TAFA1: variants seen among roughly 807,000 people sequenced by gnomAD.
TAFA1 encodes the protein chemokine-like protein TAFA-1.
In TAFA1, 4 loss-of-function variants were observed where a neutral mutation model predicts 18.5. That is an observed-to-expected ratio of 0.22 (90% CI 0.11 to 0.49). The LOEUF (loss-of-function observed/expected upper bound fraction) is 0.49. TAFA1 is among the 20% of genes least tolerant of loss of function. TAFA1 has a pLI of 0.98. For missense variants in TAFA1, 147 were observed against 169.0 expected (o/e 0.87, Z 0.72); for synonymous variants, 56 against 55.2 (o/e 1.01, Z -0.06).
At chr3:68,064,587 G>A (rs1016267177) in intron 2 of TAFA1, among the ~76,000 whole-genome samples, 6 of 152,208 alleles carry the variant, frequency 3.9e-5, no homozygotes, top group Non-Finnish European at 8.8e-5. Flanking sequence ...ACATTTGCAC[G>A]GTAATCCGGA....
rs529381776 is a variant in TAFA1, at chr3:68,506,635, T to C, written c.260-32121T>C. Among the ~76,000 whole-genome samples, 7 of 152,230 alleles carry C rather than the reference T, an allele frequency of 4.6e-5. No homozygotes were observed. The East Asian group carries it at 5.8e-4, about 13-fold the overall frequency. ...GTCTGATTGGTCAAAATATTAGTCA[T>C]TGAAGCCTGATAACTCAAGGTGAAA... On this transcript the variant is annotated intron_variant, in intron 3 of 4. Transcript: ENST00000478136.
chr3:68,006,271 CT>C (rs1704354821), intron 1 of TAFA1: 1 of 189,932 alleles, frequency 5.3e-6, no homozygotes, highest in Non-Finnish European at 1.1e-5. Flanking sequence ...GAGTCTGCAG[CT>C]TTTCAGTGCC....
At chr3:68,044,321 T>C (rs1705225234) in intron 2 of TAFA1, among the ~76,000 whole-genome samples, 1 of 152,246 alleles carries the variant, frequency 6.6e-6, no homozygotes, top group Non-Finnish European at 1.5e-5. Context: ...TTTTATGGTT[T>C]GTCACTGAAA....
intron 3 of TAFA1, among the ~76,000 whole-genome samples, chr3:68,506,255 A>C (rs888850630): frequency 2.6e-5 from 4 of 152,108 alleles, no homozygotes; most frequent in Non-Finnish European, 4.4e-5. Context: ...TCCATGGTGT[A>C]TATATGCCAC....
intron 2 of TAFA1, among the ~76,000 whole-genome samples, chr3:68,107,890 C>A (rs1165339689): frequency 6.6e-6 from 1 of 152,060 alleles, no homozygotes; most frequent in Admixed American, 6.6e-5. Flanking sequence ...TTTACAGAGG[C>A]CCTTGGATGG....
chr3:68,529,219 G>A (rs1397924233), intron 3 of TAFA1, among the ~76,000 whole-genome samples: 6 of 151,808 alleles, frequency 4.0e-5, no homozygotes, highest in African/African-American at 1.5e-4. Context: ...GTGTTCCTCT[G>A]TTATTCCTAA....
chr3:68,529,539 A>G (rs186605632), intron 3 of TAFA1, among the ~76,000 whole-genome samples: 11 of 151,686 alleles, frequency 7.3e-5, no homozygotes, highest in African/African-American at 2.7e-4. Context: ...TTGTGTTACT[A>G]TAAAAGAATA....
chr3:68,544,472 T>G lies in TAFA1; in HGVS notation c.385-14T>G, dbSNP rs756403530. The G allele has an allele frequency of 3.8e-5, 61 of 1,612,220 alleles. No individual in the cohort carries two copies. Among genetic ancestry groups the G allele is most frequent in the Admixed American group, 3.7e-4 (22 of 59,842 alleles). ...ACTGTTCTCCCTGAAATGTCTGTCT[T>G]TCTTTGGTTTCAGATTCACCCAAGA... On this transcript the variant is annotated splice_polypyrimidine_tract_variant and intron_variant, in intron 4 of 4. Transcript: ENST00000478136.
At chr3:68,410,705 CAAAAA>C (rs34714719) in intron 2 of TAFA1, among the ~76,000 whole-genome samples, 103 of 36,652 alleles carry the variant, frequency 2.8e-3, no homozygotes, top group East Asian at 0.024. Context: ...TTTCCATAAG[CAAAAA>C]AAAAAAAAAA....
At chr3:68,395,035 T>G (rs2070346100) in intron 2 of TAFA1, among the ~76,000 whole-genome samples, 1 of 152,166 alleles carries the variant, frequency 6.6e-6, no homozygotes, top group African/African-American at 2.4e-5. Flanking sequence ...GAGAAAATTT[T>G]TGCAATATAT....
chr3:68,144,451 G>A (rs942937903), intron 2 of TAFA1, among the ~76,000 whole-genome samples: 13 of 152,232 alleles, frequency 8.5e-5, no homozygotes, highest in Admixed American at 3.3e-4. Flanking sequence ...GCTTTAATTC[G>A]TACTTAAAAA....
At chr3:68,472,046 T>C (rs1559683375) in intron 3 of TAFA1, among the ~76,000 whole-genome samples, 2 of 152,078 alleles carry the variant, frequency 1.3e-5, no homozygotes, top group East Asian at 3.9e-4. Context: ...GAAGCCATGA[T>C]TGGTTTTGAA....
At chr3:68,386,076 C>A (rs145458059) in intron 2 of TAFA1, among the ~76,000 whole-genome samples, 92 of 152,302 alleles carry the variant, frequency 6.0e-4, no homozygotes, top group Admixed American at 1.0e-3. Context: ...AATACTTTCA[C>A]TATCTGGCCC....
At chr3:68,127,777 A>ATGG (rs1471181348) in intron 2 of TAFA1, among the ~76,000 whole-genome samples, 1 of 89,242 alleles carries the variant, frequency 1.1e-5, no homozygotes, top group Non-Finnish European at 2.4e-5. Context: ...GGCAGTGGTG[A>ATGG]TGGTGGTGGT....
chr3:68,231,092 G>A (rs1250346479), intron 2 of TAFA1, among the ~76,000 whole-genome samples: 4 of 152,044 alleles, frequency 2.6e-5, no homozygotes, highest in Non-Finnish European at 5.9e-5. Flanking sequence ...TTATTTAAAT[G>A]CATGTGTATG....
rs76391413 is a variant in TAFA1 at position 68,473,317 on chromosome 3, G to A, written c.259+55897G>A. Reference sequence around the variant, plus strand: ...TAAGCTTCTTCCCATTGACCTAGACGAAATGGGAAGGGTATGATGATTGAT... The same window carrying A: ...TAAGCTTCTTCCCATTGACCTAGACAAAATGGGAAGGGTATGATGATTGAT... On this transcript the variant is annotated intron_variant, in intron 3 of 4. Coordinates refer to ENST00000478136, the MANE Select transcript of TAFA1 (RefSeq NM_213609.4). Among the ~76,000 whole-genome samples, 556 of 152,278 alleles carry A rather than the reference G, an allele frequency of 3.7e-3. 3 individuals are homozygous for A. The highest frequency in any genetic ancestry group is 0.012 in the African/African-American group (508 of 41,566).
chr3:68,429,839 A>G (rs1290503222), intron 3 of TAFA1, among the ~76,000 whole-genome samples: 3 of 151,924 alleles, frequency 2.0e-5, no homozygotes, highest in Non-Finnish European at 4.4e-5. Context: ...GCCTAAGTTA[A>G]TAATGCCCAC....
chr3:68,127,759 ATGCTGATGGCAGTGGTGATGGTGGTGGTG>A (rs1226126076), intron 2 of TAFA1, among the ~76,000 whole-genome samples: 1 of 86,576 alleles, frequency 1.2e-5, no homozygotes, highest in Non-Finnish European at 2.5e-5. Flanking sequence ...AGCGGTGGTG[ATGCTGATGGCAGTGGTGATGGTGGTGGTG>A]GTGATGCTGA....
intron 3 of TAFA1, among the ~76,000 whole-genome samples, chr3:68,444,804 ATATAT>A (rs2071448281): frequency 8.0e-6 from 1 of 124,594 alleles, no homozygotes; most frequent in African/African-American, 3.0e-5. Context: ...ATATATATAT[ATATAT>A]ATAAAATAAA....
Sources: gnomAD v4.1 joint callset for allele counts (sites outside exome capture counted in the v4.1 genomes callset) on GRCh38, gnomAD v4.1.1 for gene constraint, MANE v1.5 for transcripts, NCBI Gene and HGNC (gene_info 2026-07-23, HGNC 2026-07-21) for gene names.